Variants in DNAH5 observed in about 807,000 individuals in gnomAD.
DNAH5 encodes the protein axonemal beta dynein heavy chain 5.
Under a neutral mutation model 518.2 loss-of-function variants are expected in DNAH5, and 372 were observed. That is an observed-to-expected ratio of 0.72 (90% CI 0.66 to 0.78). The LOEUF (loss-of-function observed/expected upper bound fraction) is 0.78. Among genes scored for constraint, DNAH5 ranks in the 30% least tolerant of loss-of-function variants. The probability of loss-of-function intolerance (pLI) is 0.00; values close to 1 mark genes in which losing one functional copy is unlikely to be tolerated. For missense variants in DNAH5, 5,523 were observed against 5,687.0 expected, an observed-to-expected ratio of 0.97 and a Z score of 0.93; for synonymous variants, 2,039 against 2,025.9, an observed-to-expected ratio of 1.01 and a Z score of -0.17.
chr5:13,854,884 C>G (rs1279273489), intron 30 of DNAH5, among the ~76,000 whole-genome samples: 1 of 152,134 alleles, frequency 6.6e-6, no homozygotes, highest in African/African-American at 2.4e-5. Flanking sequence ...TCTTAGAGAC[C>G]TACAAAGAGA....
At chr5:13,695,566 T>C (rs13158612) in intron 78 of DNAH5, among the ~76,000 whole-genome samples, 86,596 of 152,012 alleles carry the variant, frequency 0.57, 25,033 homozygotes, top group African/African-American at 0.66. Context: ...ATATACCTCA[T>C]GACAAACAAA....
chr5:13,823,448 A>C (rs557814186), intron 39 of DNAH5, 78 bp from the exon 40 acceptor site: 1 of 923,204 alleles, frequency 1.1e-6, no homozygotes, highest in South Asian at 1.3e-5. Flanking sequence ...GGAAATGCCC[A>C]ACACAGTCCG....
intron 1 of DNAH5, among the ~76,000 whole-genome samples, chr5:13,936,379 AC>A (rs1778924975): frequency 6.6e-6 from 1 of 152,198 alleles, no homozygotes; most frequent in African/African-American, 2.4e-5. Flanking sequence ...AAGCTCAGTG[AC>A]TGTCTCAAAA....
chr5:13,922,234 G>T lies in DNAH5; in HGVS notation c.533C>A (p.Ala178Asp). ...LSDIFIPALR[A>D]TSHGWGELEG... ...GAGCTCGCCCCAGCCATGGCTCGTG[G>T]CTCTGAGAGCAGGAATGAAGATGTC... The change falls in exon 5 of 79, where the codon GCC (alanine) becomes GAC (aspartate). Residue 178 changes from alanine to aspartate, a missense_variant. Ala to Asp is a moderately radical substitution (Grantham distance 126, BLOSUM62 -2). Transcript: ENST00000265104. 6.2e-7 allele frequency: 1 copy of T among 1,613,982 alleles called. No individual in the cohort carries two copies. The highest frequency in any genetic ancestry group is 8.5e-7 in the Non-Finnish European group (1 of 1,179,986).
intron 1 of DNAH5, among the ~76,000 whole-genome samples, chr5:13,940,819 G>C (rs992215947): frequency 9.2e-5 from 14 of 152,132 alleles, no homozygotes; most frequent in African/African-American, 3.4e-4. Flanking sequence ...TACTAGACTT[G>C]TGCAAAAATT....
intron 1 of DNAH5, among the ~76,000 whole-genome samples, chr5:14,009,304 CCAAA>C (rs1284970604): frequency 7.2e-5 from 11 of 152,296 alleles, no homozygotes; most frequent in African/African-American, 2.4e-4. Context: ...ACCAATTCCT[CCAAA>C]TAGCCATGCT....
rs1350219806 is a variant in DNAH5 at position 13,883,099 on chromosome 5, G to A, written c.2984-5C>T. 1 of 1,613,430 alleles carries A rather than the reference G, an allele frequency of 6.2e-7. No individual in the cohort carries two copies. Reference sequence around the variant, plus strand: ...TGTTAGAGGCACTGTTACTGTCTGAGTTAACCCAAAACAAGGAAGAATTCA... The same window carrying A: ...TGTTAGAGGCACTGTTACTGTCTGAATTAACCCAAAACAAGGAAGAATTCA... On this transcript the variant is annotated splice_region_variant and splice_polypyrimidine_tract_variant and intron_variant, in intron 19 of 78. Coordinates refer to ENST00000265104, the MANE Select transcript of DNAH5 (RefSeq NM_001369.3).
In DNAH5 at chr5:13,735,306, C is replaced by T. The variant is rs755874851; in HGVS notation, c.11586G>A (p.Pro3862=). Residue 3862 remains proline (P), a synonymous_variant, in exon 68 of 79, where the codon CCG becomes CCA. Coordinates refer to ENST00000265104, the MANE Select transcript of DNAH5 (RefSeq NM_001369.3). ...DLSLARSVKS[P]ITSKRIANII... ...TATTAGCAATCCTCTTGCTTGTAAT[C>T]GGGCTCTTGACAGACCTGGTGAATA... 33 of 1,613,872 alleles carry T rather than the reference C, an allele frequency of 2.0e-5. No homozygotes were observed. The highest frequency in any genetic ancestry group is 1.1e-4 in the African/African-American group (8 of 74,932).
At chr5:13,855,606 G>C (rs1378793850) in intron 30 of DNAH5, among the ~76,000 whole-genome samples, 1 of 152,102 alleles carries the variant, frequency 6.6e-6, no homozygotes, top group Non-Finnish European at 1.5e-5. Flanking sequence ...AAATTAACAA[G>C]GATATTCAGG....
chr5:13,759,086 G>T, intron 60 of DNAH5, 103 bp from the exon 61 acceptor site: 2 of 1,486,408 alleles, frequency 1.3e-6, no homozygotes, highest in Non-Finnish European at 1.9e-6. Context: ...TTATACCTTT[G>T]CTTTGTTCCC....
rs2151943082 is a variant in DNAH5 at position 13,886,084 on chromosome 5, A to G, written c.2623T>C (p.Leu875=). The G allele has an allele frequency of 1.2e-6, 2 of 1,609,192 alleles. No individual in the cohort carries two copies. Among genetic ancestry groups the G allele is most frequent in the East Asian group, 4.5e-5 (2 of 44,774 alleles). ...GAQILHFKSS[L]VEEAVNELVN... Reference sequence around the variant, plus strand: ...AGCTCATTGACTGCCTCCTCCACTAATGAGCTTTTAAAATGTAGTATTTGT... The same window carrying G: ...AGCTCATTGACTGCCTCCTCCACTAGTGAGCTTTTAAAATGTAGTATTTGT... The change falls in exon 18 of 79, where the codon TTA becomes CTA. Residue 875 remains leucine, a synonymous_variant. Transcript: ENST00000265104.
chr5:13,964,116 C>T (rs543626479), intron 1 of DNAH5, among the ~76,000 whole-genome samples: 1 of 152,350 alleles, frequency 6.6e-6, no homozygotes, highest in South Asian at 2.1e-4. Context: ...TAGGCCTTGG[C>T]CTACAGTCCT....
rs1348690 is a variant in DNAH5 at position 13,829,502 on chromosome 5, T to C, written c.6444+8A>G. 7,960 of 1,614,000 alleles carry C rather than the reference T, an allele frequency of 4.9e-3. 357 individuals carry two copies. In the African/African-American group the frequency reaches 0.095, roughly 19 times the overall value. On this transcript the variant is annotated splice_region_variant and intron_variant, in intron 38 of 78. Transcript: ENST00000265104. ...GCCTAAGTGCATAAGACCTCCAGGA[T>C]GACACACCTGCTTAGAAAGCTGCTC...
At chr5:13,789,933 A>C (rs1035932680) in intron 50 of DNAH5, among the ~76,000 whole-genome samples, 6 of 152,230 alleles carry the variant, frequency 3.9e-5, no homozygotes, top group Non-Finnish European at 8.8e-5. Flanking sequence ...CATGTGGCCA[A>C]GAAACATATG....
intron 1 of DNAH5, among the ~76,000 whole-genome samples, chr5:13,983,797 T>C (rs929621191): frequency 2.6e-5 from 4 of 152,212 alleles, no homozygotes; most frequent in African/African-American, 7.2e-5. Flanking sequence ...AGCGAAGGTT[T>C]TGTGGAAGCT....
intron 1 of DNAH5, among the ~76,000 whole-genome samples, chr5:13,935,775 A>C (rs1236961454): frequency 2.0e-5 from 3 of 152,232 alleles, no homozygotes; most frequent in African/African-American, 7.2e-5. Flanking sequence ...ACAAGCAGTC[A>C]GGTGACTAGT....
At chr5:13,762,651 G>A (rs984160185) in intron 60 of DNAH5, 71 bp downstream of exon 60, 17 of 1,416,242 alleles carry the variant, frequency 1.2e-5, no homozygotes, top group Non-Finnish European at 1.7e-5. Context: ...ATGTGCTCCT[G>A]TAAAGATAAG....
In DNAH5 at chr5:13,774,331, G is replaced by A. The variant is rs148608868; in HGVS notation, c.9373+2108C>T. On this transcript the variant is annotated intron_variant, in intron 55 of 78. Transcript: ENST00000265104. ...GGGGTCTCAGGTTGCCTAGTTTGAT[G>A]AGCGATAATGGCCCTTCCTGAAAGG... 2.0e-5 allele frequency among the ~76,000 whole-genome samples: 3 copies of A among 152,228 alleles called. No individual in the cohort carries two copies. The East Asian group carries it at 5.8e-4, about 29-fold the overall frequency.
rs183592939 is a variant in DNAH5, at chr5:13,951,031, C to T, written c.13-19787G>A. ...GAAGAGAACCCTTATTAATGTGATG[C>T]TTCTTGCTTTATGAAAGCATTAGGA... On this transcript the variant is annotated intron_variant, in intron 1 of 78. Coordinates refer to the DNAH5 transcript ENST00000681290. Among the ~76,000 whole-genome samples the T allele has an allele frequency of 3.5e-3, 529 of 152,156 alleles. 2 individuals carry two copies. The highest frequency in any genetic ancestry group is 5.7e-3 in the Non-Finnish European group (385 of 68,002).
Sources: gnomAD v4.1 joint callset for allele counts (sites outside exome capture counted in the v4.1 genomes callset) on GRCh38, gnomAD v4.1.1 for gene constraint, MANE v1.5 for transcripts, NCBI Gene and HGNC (gene_info 2026-07-23, HGNC 2026-07-21) for gene names.